PTPRN2: variants seen among roughly 807,000 people sequenced by gnomAD.
The protein encoded by PTPRN2 is receptor-type tyrosine-protein phosphatase N2.
A neutral mutation model predicts 118.8 loss-of-function variants in PTPRN2; 74 were observed. That is an observed-to-expected ratio of 0.62 (90% CI 0.52 to 0.76). The LOEUF is 0.76. PTPRN2 is among the 30% of genes least tolerant of loss of function. PTPRN2 has a pLI of 0.00. For missense variants in PTPRN2, 1,481 were observed against 1,394.4 expected (o/e 1.06, Z -0.99); for synonymous variants, 641 against 608.0 (o/e 1.05, Z -0.80).
intron 12 of PTPRN2, among the ~76,000 whole-genome samples, chr7:157,834,560 T>C (rs1807805785): frequency 6.6e-6 from 1 of 152,244 alleles, no homozygotes; most frequent in Admixed American, 6.5e-5. Flanking sequence ...ATCCATCAAT[T>C]GATCAGTCGA....
At chr7:157,965,370 T>C (rs941170262) in intron 11 of PTPRN2, among the ~76,000 whole-genome samples, 1 of 152,178 alleles carries the variant, frequency 6.6e-6, no homozygotes, top group Admixed American at 6.5e-5. Context: ...TCACCAGGGT[T>C]CCTGGCTTGG....
intron 11 of PTPRN2, among the ~76,000 whole-genome samples, chr7:157,997,218 G>C (rs73520902): frequency 6.6e-6 from 1 of 152,216 alleles, no homozygotes; most frequent in Admixed American, 6.5e-5. Context: ...CTGCCTGGCG[G>C]CTCCATTTGC....
At chr7:157,856,785 G>A (rs1408415189) in intron 12 of PTPRN2, among the ~76,000 whole-genome samples, 4 of 152,168 alleles carry the variant, frequency 2.6e-5, no homozygotes, top group Non-Finnish European at 5.9e-5. Context: ...TCGTATGTCT[G>A]TCAGTCAAAG....
intron 2 of PTPRN2, among the ~76,000 whole-genome samples, chr7:158,429,332 G>T (rs547266826): frequency 6.6e-6 from 1 of 152,190 alleles, no homozygotes; most frequent in Non-Finnish European, 1.5e-5. Flanking sequence ...TTAGGAAGGT[G>T]GTGCTAGGCT....
chr7:157,962,753 A>G (rs144606454), intron 11 of PTPRN2, among the ~76,000 whole-genome samples: 1 of 152,316 alleles, frequency 6.6e-6, no homozygotes, highest in African/African-American at 2.4e-5. Flanking sequence ...GGGGAGGTTC[A>G]AAGTGAACCA....
intron 10 of PTPRN2, among the ~76,000 whole-genome samples, chr7:158,108,447 G>A (rs1021047155): frequency 1.3e-5 from 2 of 152,072 alleles, no homozygotes; most frequent in African/African-American, 4.8e-5. Flanking sequence ...TGTCCCTGCT[G>A]AGCAGTCCTA....
intron 12 of PTPRN2, among the ~76,000 whole-genome samples, chr7:157,820,324 ACAC>A (rs1257594024): frequency 6.6e-6 from 1 of 150,944 alleles, no homozygotes; most frequent in Non-Finnish European, 1.5e-5. Context: ...ACGTTCACAC[ACAC>A]AACACAGTCA....
At chr7:158,165,340 T>C (rs930587712) in intron 6 of PTPRN2, among the ~76,000 whole-genome samples, 12 of 152,146 alleles carry the variant, frequency 7.9e-5, no homozygotes, top group Non-Finnish European at 2.9e-5. Context: ...AAGTGGCCAC[T>C]CCAGGCGGGC....
chr7:158,331,935 TCA>T (rs1417764346), intron 2 of PTPRN2, among the ~76,000 whole-genome samples: 1 of 150,690 alleles, frequency 6.6e-6, no homozygotes, highest in Non-Finnish European at 1.5e-5. Flanking sequence ...CAGATGTCAC[TCA>T]CACTCACACT....
intron 2 of PTPRN2, among the ~76,000 whole-genome samples, chr7:158,373,443 TGAAA>T (rs766889207): frequency 4.6e-5 from 7 of 152,264 alleles, no homozygotes; most frequent in Non-Finnish European, 8.8e-5. Context: ...TTCTGTTGAT[TGAAA>T]GAAAGAAATA....
chr7:158,385,007 C>A (rs7455219), intron 2 of PTPRN2, among the ~76,000 whole-genome samples: 138,755 of 152,102 alleles, frequency 0.91, 63,315 homozygotes, highest in East Asian at 0.93. Flanking sequence ...CCGCCCTCAC[C>A]GCAGAAGAAT....
chr7:157,836,876 A>G (rs1807972244), intron 12 of PTPRN2, among the ~76,000 whole-genome samples: 1 of 151,650 alleles, frequency 6.6e-6, no homozygotes. Flanking sequence ...CCATCCCCCG[A>G]CCAAACCACC....
At chr7:157,608,208 C>T (rs1158986025) in intron 15 of PTPRN2, among the ~76,000 whole-genome samples, 2 of 152,202 alleles carry the variant, frequency 1.3e-5, no homozygotes, top group African/African-American at 4.8e-5. Flanking sequence ...GCTGGGACTA[C>T]AGGCACGCAC....
At chr7:157,589,971 G>A (rs561404213) in intron 17 of PTPRN2, among the ~76,000 whole-genome samples, 42 of 152,282 alleles carry the variant, frequency 2.8e-4, no homozygotes, top group African/African-American at 9.4e-4. Flanking sequence ...TCACCACCCC[G>A]GCTGTTTCCA....
In PTPRN2 at chr7:158,270,762, A is replaced by G. The variant is rs1426750340; in HGVS notation, c.277+46057T>C. ...TACCTGAGCCGTCTTCTCCACCTGG[A>G]CCACCCCGTCCACCTGGACCACCCC... On this transcript the variant is annotated intron_variant, in intron 3 of 22. Coordinates refer to ENST00000389418, the MANE Select transcript of PTPRN2 (RefSeq NM_002847.5). Among the ~76,000 whole-genome samples, 73 of 140,966 alleles carry G rather than the reference A, an allele frequency of 5.2e-4. 1 individual carries two copies. The highest frequency in any genetic ancestry group is 1.0e-3 in the African/African-American group (36 of 35,424). 92.5% of individuals were successfully genotyped at this position (140,966 alleles called of 152,430 possible).
intron 11 of PTPRN2, among the ~76,000 whole-genome samples, chr7:157,968,115 C>T (rs1802070393): frequency 6.6e-6 from 1 of 152,120 alleles, no homozygotes; most frequent in Admixed American, 6.5e-5. Context: ...ACCCACTACT[C>T]CAGGATCATT....
rs909132107 is a variant in PTPRN2 at position 157,598,430 on chromosome 7, C to T, written c.2419-3115G>A. Among the ~76,000 whole-genome samples the T allele has an allele frequency of 6.8e-6, 1 of 146,146 alleles. No individual in the cohort carries two copies. The highest frequency in any genetic ancestry group is 2.6e-5 in the African/African-American group (1 of 37,782). On this transcript the variant is annotated intron_variant, in intron 16 of 22. Coordinates refer to ENST00000389418, the MANE Select transcript of PTPRN2 (RefSeq NM_002847.5). This position sits in a 1 kb window ranked among gnomAD's most constrained non-coding sequence, Gnocchi z 5.2. ...AGGGAGTGAGGAGCTTGGACGTCGGCGTCTCCGGGCCTCAGTCTCCATATC... is the reference window on the plus strand; with the variant it reads ...AGGGAGTGAGGAGCTTGGACGTCGGTGTCTCCGGGCCTCAGTCTCCATATC...
At chr7:158,098,305 G>T (rs1157168140) in intron 10 of PTPRN2, among the ~76,000 whole-genome samples, 1 of 152,094 alleles carries the variant, frequency 6.6e-6, no homozygotes, top group Non-Finnish European at 1.5e-5. Context: ...GAGGCCACCG[G>T]GGGGGCTCCC....
intron 5 of PTPRN2, among the ~76,000 whole-genome samples, chr7:158,182,738 GT>G (rs1824818985): frequency 6.6e-6 from 1 of 152,186 alleles, no homozygotes; most frequent in Non-Finnish European, 1.5e-5. Flanking sequence ...AATGTTCCAT[GT>G]GCTCATGAGG....
Sources: gnomAD v4.1 joint callset for allele counts (sites outside exome capture counted in the v4.1 genomes callset) on GRCh38, gnomAD v4.1.1 for gene constraint, Gnocchi (gnomAD v3.1) non-coding constraint, MANE v1.5 for transcripts, NCBI Gene and HGNC (gene_info 2026-07-23, HGNC 2026-07-21) for gene names.